Variants in ENTREP2 observed in about 807,000 individuals in gnomAD.
The protein encoded by ENTREP2 is protein ENTREP2.
At chr15:29,575,097 AG>A in the ENTREP2 span, among the ~76,000 whole-genome samples, 12 of 152,180 alleles carry the variant, frequency 7.9e-5, no homozygotes. Context: ...ATTTGAGTTC[AG>A]GAGTCTCCAA....
the ENTREP2 span, among the ~76,000 whole-genome samples, chr15:29,163,687 G>C: frequency 6.6e-6 from 1 of 151,958 alleles, no homozygotes; most frequent in Non-Finnish European, 1.5e-5. Flanking sequence ...CCAAACCTAA[G>C]AATAACCAGT....
At chr15:29,126,986 G>A in the ENTREP2 span, among the ~76,000 whole-genome samples, 2 of 152,178 alleles carry the variant, frequency 1.3e-5, no homozygotes, top group East Asian at 1.9e-4. Flanking sequence ...TGGACGCCAC[G>A]CCAGCAGCAG....
chr15:29,386,822 T>G, the ENTREP2 span, among the ~76,000 whole-genome samples: 1 of 152,220 alleles, frequency 6.6e-6, no homozygotes. Context: ...TGTATAAAAA[T>G]GCTTGTGAAT....
At chr15:29,308,776 T>A in the ENTREP2 span, among the ~76,000 whole-genome samples, 2 of 152,180 alleles carry the variant, frequency 1.3e-5, no homozygotes, top group Admixed American at 1.3e-4. Flanking sequence ...TAAAGACCCT[T>A]GAAAAACAGC....
chr15:29,489,261 G>A, the ENTREP2 span, among the ~76,000 whole-genome samples: 10,471 of 152,214 alleles, frequency 0.069, 482 homozygotes, highest in South Asian at 0.13. Flanking sequence ...CTGGCCGAGA[G>A]AAATATGGAG....
At chr15:29,229,548 T>C in the ENTREP2 span, among the ~76,000 whole-genome samples, 2 of 152,162 alleles carry the variant, frequency 1.3e-5, no homozygotes, top group Non-Finnish European at 2.9e-5. Context: ...ACATCATATC[T>C]GAAACTAAAA....
the ENTREP2 span, among the ~76,000 whole-genome samples, chr15:29,543,909 C>T: frequency 6.6e-5 from 10 of 152,030 alleles, no homozygotes; most frequent in African/African-American, 2.4e-4. Context: ...CATTCTCTTT[C>T]TTTGTTCTTT....
the ENTREP2 span, among the ~76,000 whole-genome samples, chr15:29,287,168 A>C: frequency 6.6e-6 from 1 of 152,078 alleles, no homozygotes. Flanking sequence ...CTTAACCTTG[A>C]CCCAAAAAGC....
the ENTREP2 span, among the ~76,000 whole-genome samples, chr15:29,591,636 G>A: frequency 6.6e-6 from 1 of 152,018 alleles, no homozygotes; most frequent in Non-Finnish European, 1.5e-5. Flanking sequence ...GTTCACACCT[G>A]CAATCCCAGC....
the ENTREP2 span, chr15:29,235,034 CT>C: frequency 9.0e-4 from 1,085 of 1,204,004 alleles, 5 homozygotes; most frequent in African/African-American, 5.1e-3. Flanking sequence ...GATAAATTCT[CT>C]TCTTCCCAGG....
chr15:29,247,213 G>GA, the ENTREP2 span, among the ~76,000 whole-genome samples: 1 of 152,168 alleles, frequency 6.6e-6, no homozygotes, highest in African/African-American at 2.4e-5. Context: ...AAGTTGAAAA[G>GA]AATTTGGATA....
chr15:29,320,530 C>T, the ENTREP2 span, among the ~76,000 whole-genome samples: 3 of 152,070 alleles, frequency 2.0e-5, no homozygotes, highest in Admixed American at 2.0e-4. Flanking sequence ...GGAGACAGAG[C>T]AAGCAACAGA....
chr15:29,651,959 C>T, the ENTREP2 span, among the ~76,000 whole-genome samples: 3 of 152,178 alleles, frequency 2.0e-5, no homozygotes, highest in Non-Finnish European at 4.4e-5. Context: ...AGATCTGAAG[C>T]CTGGGGGCCA....
the ENTREP2 span, among the ~76,000 whole-genome samples, chr15:29,174,794 T>G: frequency 2.0e-5 from 3 of 152,284 alleles, no homozygotes; most frequent in East Asian, 3.9e-4. Context: ...AACAAGAACT[T>G]TTCCCTGCCT....
the ENTREP2 span, among the ~76,000 whole-genome samples, chr15:29,202,784 C>T: frequency 2.6e-5 from 4 of 152,132 alleles, no homozygotes; most frequent in South Asian, 4.1e-4. Flanking sequence ...TGGCTTCCAG[C>T]TTCATCTACA....
chr15:29,398,698 T>C, the ENTREP2 span, among the ~76,000 whole-genome samples: 9 of 152,314 alleles, frequency 5.9e-5, no homozygotes, highest in East Asian at 1.7e-3. Context: ...CACTCCAGCC[T>C]GGGTGACAGA....
chr15:29,135,043 T>C, the ENTREP2 span, among the ~76,000 whole-genome samples: 2 of 151,990 alleles, frequency 1.3e-5, no homozygotes, highest in Non-Finnish European at 1.5e-5. This position sits in a 1 kb window ranked among gnomAD's most constrained non-coding sequence, Gnocchi z 7.4. Flanking sequence ...TGGGTGGGCC[T>C]GGATGCTTCT....
At chr15:29,595,062 C>T in the ENTREP2 span, among the ~76,000 whole-genome samples, 62,236 of 105,372 alleles carry the variant, frequency 0.59, 15,807 homozygotes, top group Non-Finnish European at 0.63. Flanking sequence ...AGTCAGACTC[C>T]GTCTCAAAAA....
At chr15:29,124,710 A>G in the ENTREP2 span, 1 of 1,550,762 alleles carries the variant, frequency 6.4e-7, no homozygotes, top group Non-Finnish European at 8.7e-7. Context: ...AGCCTCAGAC[A>G]GTCCCGCTTC....
Sources: allele counts gnomAD v4.1 joint callset (sites outside exome capture counted in the v4.1 genomes callset), GRCh38; gene constraint gnomAD v4.1.1; non-coding constraint Gnocchi (gnomAD v3.1); transcripts MANE v1.5; gene names NCBI Gene and HGNC (gene_info 2026-07-23, HGNC 2026-07-21).